EHF: variants seen among roughly 807,000 people sequenced by gnomAD.
The protein encoded by EHF is ESE3 transcription factor.
In EHF, 14 loss-of-function variants were observed where a neutral mutation model predicts 45.1. That is an observed-to-expected ratio of 0.31 (90% CI 0.21 to 0.49). EHF has a LOEUF of 0.49. EHF is among the 20% of genes least tolerant of loss of function. The probability of loss-of-function intolerance (pLI) is 0.99; values close to 1 mark genes in which losing one functional copy is unlikely to be tolerated. For synonymous variants in EHF, 136 were observed against 131.8 expected (o/e 1.03, Z -0.22); for missense variants, 282 against 371.4 (o/e 0.76, Z 1.98).
chr11:34,650,097 C>T (rs2134170995), intron 4 of EHF, among the ~76,000 whole-genome samples: 1 of 152,346 alleles, frequency 6.6e-6, no homozygotes, highest in South Asian at 2.1e-4. Flanking sequence ...GAGATGGATG[C>T]AGGACTTGGT....
chr11:34,647,913 T>G (rs1048343459), intron 3 of EHF, among the ~76,000 whole-genome samples: 24 of 152,176 alleles, frequency 1.6e-4, no homozygotes, highest in Non-Finnish European at 2.9e-4. Flanking sequence ...ACTTGAAGAA[T>G]TAAAAATATT....
chr11:34,649,196 C>G, intron 4 of EHF, 115 bp downstream of exon 4: 1 of 1,082,824 alleles, frequency 9.2e-7, no homozygotes, highest in Non-Finnish European at 1.4e-6. Context: ...CACAGGGAGG[C>G]CTTTTCCCTG....
chr11:34,643,625 A>G (rs944923326), intron 2 of EHF, among the ~76,000 whole-genome samples: 5 of 152,102 alleles, frequency 3.3e-5, no homozygotes, highest in South Asian at 2.1e-4. Context: ...GTGGAGCTCC[A>G]CCTCTTTTAA....
At chr11:34,651,006 G>A (rs1173427615) in intron 4 of EHF, among the ~76,000 whole-genome samples, 1 of 151,972 alleles carries the variant, frequency 6.6e-6, no homozygotes, top group East Asian at 1.9e-4. Context: ...TAGAGGGAGG[G>A]GGCTGTCACC....
chr11:34,659,575 C>A lies in EHF; in HGVS notation c.*644C>A, dbSNP rs1289263536. The A allele has an allele frequency of 2.6e-5, 4 of 152,190 alleles. No individual in the cohort carries two copies. Among genetic ancestry groups the A allele is most frequent in the Admixed American group, 6.6e-5 (1 of 15,262 alleles). The allele number at this position is 152,190 out of a possible 1,614,324, so 9.4% of individuals were successfully genotyped here. On this transcript the variant is annotated 3_prime_UTR_variant, in exon 9 of 9. Coordinates refer to ENST00000257831, the MANE Select transcript of EHF (RefSeq NM_012153.6). ...GAAGAATAATGGTGGGGTCTTTATA[C>A]TCATTCAGGAATGGTTTATCTGATG...
In EHF at chr11:34,656,934, C is replaced by A. The variant is rs1297231723; in HGVS notation, c.571C>A (p.Gln191Lys). ...VAESPDMKKE[Q>K]DPPAKCHTKK... ...AGAGTCACCTGATATGAAAAAGGAGCAAGACCCCCCTGCCAAGTGCCACAC... is the reference window on the plus strand; with the variant it reads ...AGAGTCACCTGATATGAAAAAGGAGAAAGACCCCCCTGCCAAGTGCCACAC... Residue 191 changes from glutamine to lysine, a missense_variant, in exon 7 of 9, where the codon CAA becomes AAA. Physicochemically the swap from Gln to Lys is moderately conservative, Grantham distance 53 (BLOSUM62 1). Around this residue, in one of 3 missense-constraint regions of EHF, gnomAD observed 213 missense variants for 247.3 expected, o/e 0.86. Transcript: ENST00000257831. 4 of 1,613,656 alleles carry A rather than the reference C, an allele frequency of 2.5e-6. No individual in the cohort carries two copies. Among genetic ancestry groups the A allele is most frequent in the Non-Finnish European group, 3.4e-6 (4 of 1,179,802 alleles).
intron 1 of EHF, among the ~76,000 whole-genome samples, chr11:34,633,959 G>A (rs916230488): frequency 1.3e-5 from 2 of 152,154 alleles, no homozygotes; most frequent in African/African-American, 2.4e-5. Context: ...TCCCAGTGCT[G>A]CATTATTGGT....
intron 1 of EHF, among the ~76,000 whole-genome samples, chr11:34,625,117 A>G (rs1285848804): frequency 1.3e-5 from 2 of 152,190 alleles, no homozygotes; most frequent in Non-Finnish European, 1.5e-5. Flanking sequence ...ATGAGGCAGG[A>G]AAGATTAGCA....
chr11:34,642,661 C>G lies in EHF; in HGVS notation c.31C>G (p.Leu11Val), dbSNP rs1349921023. Residue 11 changes from leucine (L) to valine (V), a missense_variant, in exon 2 of 9, where the codon CTC becomes GTC. By Grantham distance (32) the Leu-to-Val change is conservative. Coordinates refer to ENST00000257831, the MANE Select transcript of EHF (RefSeq NM_012153.6). ...TCTGGAAGGAGGTGGTGTAATGAAT[C>G]TCAACCCCGGCAACAACCTCCTTCA... is the stretch of plus-strand genomic sequence containing the variant. MILEGGGVMNLNPGNNLLHQP... is the reference protein window; with the variant it reads MILEGGGVMNVNPGNNLLHQP... 2 of 1,613,894 alleles carry G rather than the reference C, an allele frequency of 1.2e-6. No homozygotes were observed. Among genetic ancestry groups the G allele is most frequent in the African/African-American group, 2.7e-5 (2 of 74,904 alleles).
intron 2 of EHF, among the ~76,000 whole-genome samples, chr11:34,646,216 G>T (rs530525823): frequency 7.9e-4 from 121 of 152,218 alleles, no homozygotes; most frequent in African/African-American, 2.9e-3. Flanking sequence ...TGGGGGATGA[G>T]CTCTGAGCAC....
chr11:34,657,113 G>C, intron 7 of EHF, 143 bp downstream of exon 7: 2 of 975,792 alleles, frequency 2.0e-6, no homozygotes, highest in Non-Finnish European at 3.0e-6. Context: ...AGAAAATAGA[G>C]GCATCACTTG....
At chr11:34,642,262 T>TAAA (rs1250000717) in intron 1 of EHF, 2 of 178,902 alleles carry the variant, frequency 1.1e-5, no homozygotes, top group African/African-American at 5.1e-5. Context: ...ATACTTTAAA[T>TAAA]AAAATCTCCT....
chr11:34,627,142 G>A (rs1054062926), intron 1 of EHF, among the ~76,000 whole-genome samples: 14 of 145,130 alleles, frequency 9.6e-5, no homozygotes, highest in African/African-American at 3.5e-4. Flanking sequence ...GTGTGTGTGT[G>A]TGGCGATCAA....
At chr11:34,632,639 A>G in intron 1 of EHF, 1 of 1,535,638 alleles carries the variant, frequency 6.5e-7, no homozygotes, top group South Asian at 1.2e-5. Context: ...AGCCTAGCTG[A>G]AATTCTTTTC....
In EHF at chr11:34,625,542, C is replaced by T. The variant is rs548605972; in HGVS notation, c.-4+4314C>T. Among the ~76,000 whole-genome samples, 331 of 152,304 alleles carry T rather than the reference C, an allele frequency of 2.2e-3. 3 individuals carry two copies. The highest frequency in any genetic ancestry group is 7.7e-3 in the African/African-American group (319 of 41,568). On this transcript the variant is annotated intron_variant, in intron 1 of 8. Coordinates refer to ENST00000257831, the MANE Select transcript of EHF (RefSeq NM_012153.6). The stretch of plus-strand genomic sequence containing the variant: ...CTCCTAGAGGAAGACCCTGTGGCTG[C>T]CCCAGCCACTGAGCAGCCTAACCTG...
At chr11:34,622,372 T>C in intron 1 of EHF, 1 of 1,277,696 alleles carries the variant, frequency 7.8e-7, no homozygotes, top group Non-Finnish European at 1.0e-6. Context: ...TCCAAGAACT[T>C]ACTGATGGAA....
intron 1 of EHF, chr11:34,632,387 A>C (rs147187689): frequency 7.9e-7 from 1 of 1,258,364 alleles, no homozygotes; most frequent in Non-Finnish European, 1.1e-6. Context: ...GGTGGGTTTT[A>C]TGTTAACAAC....
intron 2 of EHF, among the ~76,000 whole-genome samples, chr11:34,644,698 TCTC>T (rs1235271818): frequency 6.6e-6 from 1 of 152,212 alleles, no homozygotes; most frequent in Non-Finnish European, 1.5e-5. Context: ...CCTTTCAGTC[TCTC>T]CTCTGAGGGT....
intron 2 of EHF, 26 bp downstream of exon 2, chr11:34,642,753 T>C (rs371616522): frequency 8.5e-6 from 13 of 1,537,766 alleles, no homozygotes; most frequent in Middle Eastern, 3.4e-4. Flanking sequence ...GGTGTTGGTG[T>C]CACTGCTGTG....
Sources: allele counts gnomAD v4.1 joint callset (sites outside exome capture counted in the v4.1 genomes callset), GRCh38; gene constraint gnomAD v4.1.1; regional missense constraint gnomAD v4.1.1; transcripts MANE v1.5; gene names NCBI Gene and HGNC (gene_info 2026-07-23, HGNC 2026-07-21).